KIF1B: variants seen among roughly 807,000 people sequenced by gnomAD.
The protein encoded by KIF1B is kinesin family member 1B, also known as kinesin-like protein KIF1B.
Under a neutral mutation model 241.9 loss-of-function variants are expected in KIF1B, and 76 were observed. That is an observed-to-expected ratio of 0.31 (90% CI 0.26 to 0.38). KIF1B has a LOEUF of 0.38. Ranked by LOEUF, KIF1B falls within the 10% of genes least tolerant of loss-of-function variation. The probability of loss-of-function intolerance (pLI) is 1.00; values close to 1 mark genes in which losing one functional copy is unlikely to be tolerated. For missense variants in KIF1B, 1,622 were observed against 2,271.4 expected, an observed-to-expected ratio of 0.71 and a Z score of 5.81; for synonymous variants, 750 against 796.7, an observed-to-expected ratio of 0.94 and a Z score of 0.99.
At position 10,321,910 on chromosome 1, in the gene KIF1B, G is replaced by T. The variant is rs1232747835; in HGVS notation, c.2358+53G>T. On this transcript the variant is annotated intron_variant, in intron 24 of 48. Transcript: ENST00000676179. ...TGGAGGCAAAGCCGAGCCTGCTGTG[G>T]GTGCATCTGGGTTCTCACCTTGAAT... 4.4e-6 allele frequency: 7 copies of T among 1,601,116 alleles called. No individual in the cohort carries two copies. The African/African-American group carries it at 6.7e-5, about 15-fold the overall frequency.
rs1416661681 is a variant in KIF1B, at chr1:10,365,382, C to G, written c.4513-27C>G. 1.2e-6 allele frequency: 2 copies of G among 1,614,106 alleles called. No homozygotes were observed. The highest frequency in any genetic ancestry group is 1.1e-5 in the South Asian group (1 of 91,074). On this transcript the variant is annotated intron_variant, in intron 42 of 48. Transcript: ENST00000676179. This position sits in a 1 kb window ranked among gnomAD's most constrained non-coding sequence, Gnocchi z 4.0. ...GAGGTCTTAACGAGCTTTGTGTTTG[C>G]TATAGCAGTAGTATTGATCTTCTCA...
rs6541083 is a variant in KIF1B, at chr1:10,225,164, G to A, written c.-79-7086G>A. Among the ~76,000 whole-genome samples, 264 of 152,270 alleles carry A rather than the reference G, an allele frequency of 1.7e-3. 1 individual carries two copies. The highest frequency in any genetic ancestry group is 5.9e-3 in the African/African-American group (244 of 41,582). On this transcript the variant is annotated intron_variant, in intron 1 of 48. Transcript: ENST00000676179. Reference sequence around the variant, plus strand: ...ACCTGTACCACTCTGTGGCCTAGGGGTTGAGGACCCCTCTTGTAGAGGATT... The same window carrying A: ...ACCTGTACCACTCTGTGGCCTAGGGATTGAGGACCCCTCTTGTAGAGGATT...
intron 37 of KIF1B, among the ~76,000 whole-genome samples, chr1:10,350,885 T>G (rs1652767495): frequency 6.6e-6 from 1 of 152,102 alleles, no homozygotes. Flanking sequence ...TCACTTAAGT[T>G]CAGGAGTTTG....
chr1:10,304,287 C>G lies in KIF1B; in HGVS notation c.2115+7041C>G, dbSNP rs137927730. On this transcript the variant is annotated intron_variant, in intron 22 of 48. Coordinates refer to ENST00000676179, the MANE Select transcript of KIF1B (RefSeq NM_001365951.3). ...GAAGTCAAGATCACATCCAAGTTAGCAAGCAGCACATTAATAATCAGCAAC... is the reference window on the plus strand; with the variant it reads ...GAAGTCAAGATCACATCCAAGTTAGGAAGCAGCACATTAATAATCAGCAAC... 1.5e-5 allele frequency: 24 copies of G among 1,614,072 alleles called. No individual in the cohort carries two copies. Among genetic ancestry groups the G allele is most frequent in the Non-Finnish European group, 1.7e-5 (20 of 1,180,034 alleles).
chr1:10,279,801 A>G (rs1043009313), intron 14 of KIF1B, among the ~76,000 whole-genome samples: 2 of 141,552 alleles, frequency 1.4e-5, no homozygotes, highest in East Asian at 4.2e-4. Context: ...GGCTCAAGTG[A>G]TCTTTCCAGC....
Position 10,303,532 on chromosome 1 carries a change from G to C in KIF1B, c.2115+6286G>C. Reference sequence around the variant, plus strand: ...TGGCAAGAAAGACCCCAATGAGCGGGACTCCTGGAGGGCAGTGGCCAGGGA... The same window carrying C: ...TGGCAAGAAAGACCCCAATGAGCGGCACTCCTGGAGGGCAGTGGCCAGGGA... On this transcript the variant is annotated intron_variant, in intron 22 of 48. Transcript: ENST00000676179. This position sits in a 1 kb window ranked among gnomAD's most constrained non-coding sequence, Gnocchi z 5.2. 1 of 1,614,230 alleles carries C rather than the reference G, an allele frequency of 6.2e-7. No homozygotes were observed. Among genetic ancestry groups the C allele is most frequent in the Non-Finnish European group, 8.5e-7 (1 of 1,180,052 alleles).
At chr1:10,260,605 C>G (rs1010609034) in intron 4 of KIF1B, among the ~76,000 whole-genome samples, 1 of 152,164 alleles carries the variant, frequency 6.6e-6, no homozygotes, top group Admixed American at 6.5e-5. Flanking sequence ...TGGCTCATGC[C>G]TGTAATCCCA....
At chr1:10,301,356 G>A (rs1419383449) in intron 22 of KIF1B, among the ~76,000 whole-genome samples, 1 of 151,886 alleles carries the variant, frequency 6.6e-6, no homozygotes, top group Non-Finnish European at 1.5e-5. Context: ...TTAAGTGAAA[G>A]CATGTTTATT....
At chr1:10,237,614 A>C (rs1297664854) in intron 2 of KIF1B, among the ~76,000 whole-genome samples, 1 of 151,802 alleles carries the variant, frequency 6.6e-6, no homozygotes, top group East Asian at 1.9e-4. Context: ...TTTATTACTC[A>C]TATTATATGT....
chr1:10,295,752 G>C lies in KIF1B; in HGVS notation c.1763G>C (p.Ser588Thr). The change falls in exon 19 of 49, where the codon AGC becomes ACC. Residue 588 changes from serine to threonine, a missense_variant. Transcript: ENST00000676179. ...EEHCIFRSER[S>T]NSGEVIVTLE... is the part of the protein sequence containing the mutation. The stretch of plus-strand genomic sequence containing the variant: ...CATTGTATCTTCCGGAGTGAGAGAA[G>C]CAACAGCGGGGAAGGTGAGCATTCC... The C allele has an allele frequency of 6.2e-7, 1 of 1,613,382 alleles. No homozygotes were observed. The highest frequency in any genetic ancestry group is 8.5e-7 in the Non-Finnish European group (1 of 1,179,554).
Position 10,321,924 on chromosome 1 carries a change from C to A in KIF1B, c.2358+67C>A. ...AGCCTGCTGTGGGTGCATCTGGGTT[C>A]TCACCTTGAATTAACCTTTCCTTTG... On this transcript the variant is annotated intron_variant, in intron 24 of 48. Transcript: ENST00000676179. The A allele has an allele frequency of 1.3e-6, 2 of 1,578,596 alleles. 1 individual carries two copies. Among genetic ancestry groups the A allele is most frequent in the South Asian group, 2.2e-5 (2 of 89,728 alleles).
chr1:10,308,707 ACTAAATCTT>A, intron 22 of KIF1B: 1 of 798,750 alleles, frequency 1.3e-6, no homozygotes, highest in Non-Finnish European at 1.5e-6. Context: ...ATGGTTGTAA[ACTAAATCTT>A]CTTTTTGATA....
At chr1:10,272,690 A>C (rs1013732423) in intron 9 of KIF1B, among the ~76,000 whole-genome samples, 1 of 149,086 alleles carries the variant, frequency 6.7e-6, no homozygotes, top group African/African-American at 2.5e-5. Flanking sequence ...GGCTTTGGTG[A>C]ATGCTGTTGA....
intron 13 of KIF1B, chr1:10,278,781 A>C (rs1296365570): frequency 7.0e-6 from 2 of 284,024 alleles, no homozygotes; most frequent in Non-Finnish European, 6.6e-6. Context: ...AGTTCTCTTA[A>C]GTGAGTAAAA....
intron 26 of KIF1B, 68 bp downstream of exon 26, chr1:10,324,963 C>T: frequency 6.4e-7 from 1 of 1,562,658 alleles, no homozygotes; most frequent in South Asian, 1.1e-5. Context: ...AAAACCTGAG[C>T]AGATAATATA....
intron 10 of KIF1B, chr1:10,274,861 T>C: frequency 3.1e-6 from 1 of 317,968 alleles, no homozygotes; most frequent in Non-Finnish European, 6.1e-6. Context: ...AGTGTGATAA[T>C]GGTCCTGTGG....
chr1:10,252,285 C>T (rs953729447), intron 2 of KIF1B, among the ~76,000 whole-genome samples: 1 of 152,004 alleles, frequency 6.6e-6, no homozygotes, highest in African/African-American at 2.4e-5. Flanking sequence ...AGTGATCAAC[C>T]CCCCTCAGCC....
At chr1:10,341,265 T>C (rs1474722603) in intron 32 of KIF1B, among the ~76,000 whole-genome samples, 1 of 152,248 alleles carries the variant, frequency 6.6e-6, no homozygotes, top group East Asian at 1.9e-4. Flanking sequence ...AGTTACTTTT[T>C]GTTGGGGAGG....
At chr1:10,314,499 A>G (rs1651217200) in intron 22 of KIF1B, among the ~76,000 whole-genome samples, 1 of 151,264 alleles carries the variant, frequency 6.6e-6, no homozygotes, top group African/African-American at 2.5e-5. Context: ...GGCTCACTGC[A>G]ACCTCCACTT....
Sources: gnomAD v4.1 joint callset for allele counts (sites outside exome capture counted in the v4.1 genomes callset) on GRCh38, gnomAD v4.1.1 for gene constraint, Gnocchi (gnomAD v3.1) non-coding constraint, MANE v1.5 for transcripts, NCBI Gene and HGNC (gene_info 2026-07-23, HGNC 2026-07-21) for gene names.